The following ADAMTS6 variants were observed in gnomAD, a reference collection of about 807,000 sequenced individuals.
The protein encoded by ADAMTS6 is ADAM metallopeptidase with thrombospondin type 1 motif 6.
A neutral mutation model predicts 144.3 loss-of-function variants in ADAMTS6; 23 were observed. The ratio of observed to expected loss-of-function variants is 0.16; its 90% CI spans 0.11 to 0.23. The LOEUF is 0.23. Ranked by LOEUF, ADAMTS6 falls within the 10% of genes least tolerant of loss-of-function variation. The pLI, the probability that ADAMTS6 is intolerant of heterozygous loss-of-function variation, is 1.00. For synonymous variants in ADAMTS6, 444 were observed against 457.5 expected, an observed-to-expected ratio of 0.97 and a Z score of 0.38; for missense variants, 999 against 1,379.6, an observed-to-expected ratio of 0.72 and a Z score of 4.37.
At chr5:65,414,817 T>A (rs555803248) in intron 7 of ADAMTS6, among the ~76,000 whole-genome samples, 6 of 152,156 alleles carry the variant, frequency 3.9e-5, no homozygotes, top group Non-Finnish European at 8.8e-5. Context: ...TCTCACATCA[T>A]ATGCAAACGT....
At chr5:65,195,047 A>G (rs1755245824) in intron 21 of ADAMTS6, among the ~76,000 whole-genome samples, 1 of 152,222 alleles carries the variant, frequency 6.6e-6, no homozygotes, top group South Asian at 2.1e-4. Context: ...GACCAGGCTC[A>G]CTCAGATGCC....
intron 9 of ADAMTS6, among the ~76,000 whole-genome samples, chr5:65,315,531 T>A (rs187040892): frequency 6.6e-6 from 1 of 152,194 alleles, no homozygotes; most frequent in Admixed American, 6.5e-5. Context: ...GTTTTAAATA[T>A]GCCAATTAAA....
Position 65,168,080 on chromosome 5 carries a change from G to C in ADAMTS6, c.3244+2537C>G, listed in dbSNP as rs1579941609. Among the ~76,000 whole-genome samples, 5 of 151,574 alleles carry C rather than the reference G, an allele frequency of 3.3e-5. 1 individual carries two copies. The highest frequency in any genetic ancestry group is 9.7e-5 in the African/African-American group (4 of 41,258). ...AATAAAGAATATTCAATTAGGAAAAGAGGAAGTCAAATTGTCCCTGTTTGC... is the reference window on the plus strand; with the variant it reads ...AATAAAGAATATTCAATTAGGAAAACAGGAAGTCAAATTGTCCCTGTTTGC... On this transcript the variant is annotated intron_variant, in intron 24 of 24. Transcript: ENST00000381055.
At chr5:65,329,084 A>G (rs1746452086) in intron 9 of ADAMTS6, among the ~76,000 whole-genome samples, 1 of 152,142 alleles carries the variant, frequency 6.6e-6, no homozygotes, top group Non-Finnish European at 1.5e-5. Flanking sequence ...AGGAAAATAA[A>G]GATCATTTAA....
intron 9 of ADAMTS6, among the ~76,000 whole-genome samples, chr5:65,326,110 T>C (rs1435880255): frequency 6.6e-6 from 1 of 152,126 alleles, no homozygotes; most frequent in Non-Finnish European, 1.5e-5. Context: ...AAATGAGTAT[T>C]TTTAAGACCC....
chr5:65,457,973 C>T (rs1759353687), intron 4 of ADAMTS6, among the ~76,000 whole-genome samples: 1 of 151,872 alleles, frequency 6.6e-6, no homozygotes, highest in African/African-American at 2.4e-5. Flanking sequence ...GATCCGCCTG[C>T]CTCAGCTTCC....
intron 20 of ADAMTS6, among the ~76,000 whole-genome samples, chr5:65,200,113 C>T (rs1305985345): frequency 1.3e-5 from 2 of 151,966 alleles, no homozygotes; most frequent in Non-Finnish European, 2.9e-5. Flanking sequence ...TAATCTATTC[C>T]AAATCTTCCT....
chr5:65,173,290 T>C (rs1753745489), intron 22 of ADAMTS6, among the ~76,000 whole-genome samples: 1 of 152,202 alleles, frequency 6.6e-6, no homozygotes, highest in African/African-American at 2.4e-5. Flanking sequence ...TTCCTCTCTA[T>C]CCTTAGCCCC....
At chr5:65,286,305 T>G (rs1741653116) in intron 11 of ADAMTS6, among the ~76,000 whole-genome samples, 2 of 152,048 alleles carry the variant, frequency 1.3e-5, no homozygotes, top group African/African-American at 4.8e-5. Context: ...GTGAACAGAT[T>G]TTTTTTTATT....
At chr5:65,206,929 A>G (rs553059249) in intron 20 of ADAMTS6, among the ~76,000 whole-genome samples, 1 of 152,080 alleles carries the variant, frequency 6.6e-6, no homozygotes, top group South Asian at 2.1e-4. Flanking sequence ...AAGAAAAAGT[A>G]TAATAAAAGA....
At chr5:65,390,954 G>GTT (rs34797529) in intron 7 of ADAMTS6, among the ~76,000 whole-genome samples, 44 of 141,258 alleles carry the variant, frequency 3.1e-4, no homozygotes, top group African/African-American at 1.0e-3. Context: ...TTTTTTGAGG[G>GTT]TTTTTTTTTT....
chr5:65,437,079 C>T (rs1757481757), intron 7 of ADAMTS6, among the ~76,000 whole-genome samples: 1 of 148,830 alleles, frequency 6.7e-6, no homozygotes, highest in East Asian at 2.0e-4. Context: ...GAAGAGAGAG[C>T]TTGTGCAGGG....
intron 7 of ADAMTS6, among the ~76,000 whole-genome samples, chr5:65,387,235 A>G (rs1752548996): frequency 6.6e-6 from 1 of 152,210 alleles, no homozygotes; most frequent in African/African-American, 2.4e-5. Context: ...TTATATATAC[A>G]ATTACCCATG....
In ADAMTS6 at chr5:65,169,704, A is replaced by C. The variant is rs376723525; in HGVS notation, c.3244+913T>G. The stretch of plus-strand genomic sequence containing the variant: ...ATATACACCATGGAATACTATGCAG[A>C]CATAAAAAATGATGAGTTCATGTCC... On this transcript the variant is annotated intron_variant, in intron 24 of 24. Transcript: ENST00000381055. Among the ~76,000 whole-genome samples the C allele has an allele frequency of 9.2e-5, 14 of 151,480 alleles. No homozygotes were observed. In the East Asian group the frequency reaches 1.2e-3, roughly 13 times the overall value.
chr5:65,344,235 T>A (rs936846183), intron 7 of ADAMTS6, among the ~76,000 whole-genome samples: 1 of 151,922 alleles, frequency 6.6e-6, no homozygotes, highest in African/African-American at 2.4e-5. Context: ...ATAACCCCAA[T>A]TCAACAGATT....
chr5:65,270,300 C>G (rs1271175396), intron 12 of ADAMTS6, among the ~76,000 whole-genome samples: 2 of 152,008 alleles, frequency 1.3e-5, no homozygotes, highest in Non-Finnish European at 2.9e-5. Context: ...ATATTATAGC[C>G]CTAAGGGCAA....
At chr5:65,474,720 T>A (rs139652957) in intron 1 of ADAMTS6, among the ~76,000 whole-genome samples, 69 of 150,830 alleles carry the variant, frequency 4.6e-4, no homozygotes, top group Non-Finnish European at 6.6e-4. Flanking sequence ...GGCTGCCTGG[T>A]TTCCCCGCAT....
chr5:65,215,247 A>C, intron 19 of ADAMTS6, 77 bp downstream of exon 19: 1 of 1,458,834 alleles, frequency 6.9e-7, no homozygotes, highest in Non-Finnish European at 9.3e-7. Flanking sequence ...TAAAGCAGAG[A>C]TAATAAAACC....
At chr5:65,192,748 T>C (rs1405423013) in intron 21 of ADAMTS6, among the ~76,000 whole-genome samples, 1 of 151,840 alleles carries the variant, frequency 6.6e-6, no homozygotes, top group Non-Finnish European at 1.5e-5. Flanking sequence ...CTCTTTCTTA[T>C]AAAAAGAGTT....
Sources: allele counts gnomAD v4.1 joint callset (sites outside exome capture counted in the v4.1 genomes callset), GRCh38; gene constraint gnomAD v4.1.1; transcripts MANE v1.5; gene names NCBI Gene and HGNC (gene_info 2026-07-23, HGNC 2026-07-21).